Variants in PIGO observed in about 807,000 individuals in gnomAD.
The protein encoded by PIGO is phosphatidylinositol glycan anchor biosynthesis class O, also known as GPI ethanolamine phosphate transferase 3, catalytic subunit.
A neutral mutation model predicts 86.9 loss-of-function variants in PIGO; 66 were observed. The observed-to-expected ratio is 0.76, with a 90% confidence interval of 0.62 to 0.93. The LOEUF is 0.93. Ranked by LOEUF, PIGO falls within the 40% of genes least tolerant of loss-of-function variation. PIGO has a pLI of 0.00. For synonymous variants in PIGO, 570 were observed against 556.4 expected, an observed-to-expected ratio of 1.02 and a Z score of -0.34; for missense variants, 1,202 against 1,359.1, an observed-to-expected ratio of 0.88 and a Z score of 1.82.
chr9:35,093,231 C>A, intron 5 of PIGO, 22 bp from the exon 6 acceptor site: 1 of 1,598,520 alleles, frequency 6.3e-7, no homozygotes, highest in South Asian at 1.1e-5. Context: ...TGACAGTGGT[C>A]AACAGATTCA....
At position 35,089,132 on chromosome 9, in the gene PIGO, C is replaced by G. The variant is rs150257961; in HGVS notation, c.3230G>C (p.Ser1077Thr). Residue 1077 changes from serine (S) to threonine (T), a missense_variant, in exon 11 of 11, where the codon AGC becomes ACC. Physicochemically the swap from Ser to Thr is moderately conservative, Grantham distance 58. Transcript: ENST00000378617. ...CAGAAATAGCTGCCTGAACCAGGAG[C>G]TCACAGCACCATCCACTCTCATCAC... ...ALVMRVDGAV[S>T]SWFRQLFLAQ... The G allele has an allele frequency of 7.4e-6, 12 of 1,614,034 alleles. No individual in the cohort carries two copies. In the African/African-American group the frequency reaches 1.6e-4, roughly 22 times the overall value.
chr9:35,090,659 C>T lies in PIGO; in HGVS notation c.2661G>A (p.Val887=). The T allele has an allele frequency of 6.2e-7, 1 of 1,614,006 alleles. No individual in the cohort carries two copies. The highest frequency in any genetic ancestry group is 1.3e-5 in the African/African-American group (1 of 75,058). ...IPVTTPGPFT[V]PWQAVSAWAL... ...CCCAAGCCGAGACTGCCTGCCATGGCACAGTAAAAGGACCTGGAAGAAAAG... is the reference window on the plus strand; with the variant it reads ...CCCAAGCCGAGACTGCCTGCCATGGTACAGTAAAAGGACCTGGAAGAAAAG... Residue 887 remains valine (V), a synonymous_variant, in exon 8 of 11, where the codon GTG becomes GTA. Coordinates refer to ENST00000378617, the MANE Select transcript of PIGO (RefSeq NM_032634.4).
At chr9:35,091,084 G>A (rs1829394339) in intron 7 of PIGO, 156 bp downstream of exon 7, 2 of 835,188 alleles carry the variant, frequency 2.4e-6, no homozygotes, top group South Asian at 3.7e-5. Flanking sequence ...GCTATGGCAG[G>A]TAAGAGAGAG....
At position 35,088,872 on chromosome 9, in the gene PIGO, C is replaced by G. The variant is rs773911038; in HGVS notation, c.*220G>C. The G allele has an allele frequency of 1.7e-4, 101 of 584,302 alleles. No individual in the cohort carries two copies. Among genetic ancestry groups the G allele is most frequent in the Non-Finnish European group, 2.5e-4 (86 of 349,312 alleles). The allele number at this position is 584,302 out of a possible 1,614,324, so 36.2% of individuals were successfully genotyped here. The stretch of plus-strand genomic sequence containing the variant: ...TTTTATTCCACTTCGGAGACCGCCC[C>G]CCTTGTCCCTCAGATGCATCCAAAT... On this transcript the variant is annotated 3_prime_UTR_variant, in exon 11 of 11. Transcript: ENST00000378617.
In PIGO at chr9:35,091,528, G is replaced by A; in HGVS notation, c.2359C>T (p.Pro787Ser). The A allele has an allele frequency of 1.9e-6, 3 of 1,614,178 alleles. No individual in the cohort carries two copies. The highest frequency in any genetic ancestry group is 2.5e-6 in the Non-Finnish European group (3 of 1,180,038). The change falls in exon 7 of 11, where the codon CCC becomes TCC. Residue 787 changes from proline to serine, a missense_variant. By Grantham distance (74) the Pro-to-Ser change is moderately conservative (BLOSUM62 -1). Coordinates refer to ENST00000378617, the MANE Select transcript of PIGO (RefSeq NM_032634.4). The part of the protein sequence containing the change: ...RTVLTPFSGP[P>S]TSQADLDYVV... ...TAATCCAAGTCAGCTTGAGAAGTGG[G>A]GGGGCCTGAGAAGGGAGTGAGGACA...
In PIGO at chr9:35,090,664, TAAAAGGA is replaced by T. The variant is rs779465055; in HGVS notation, c.2649_2655del (p.Pro884LeufsTer53). 1 of 1,613,862 alleles carries T rather than the reference TAAAAGGA, an allele frequency of 6.2e-7. No individual in the cohort carries two copies. On this transcript the variant is annotated frameshift_variant and splice_region_variant, in exon 8 of 11. Coordinates refer to ENST00000378617, the MANE Select transcript of PIGO (RefSeq NM_032634.4). LOFTEE classifies it high-confidence loss of function. The stretch of plus-strand genomic sequence containing the variant: ...GCCGAGACTGCCTGCCATGGCACAG[TAAAAGGA>T]CCTGGAAGAAAAGATATGCCACGTT...
In PIGO at chr9:35,093,197, T is replaced by A. The variant is rs1376679469; in HGVS notation, c.952A>T (p.Ile318Phe). ...PSTPPEEPEV[I>F]PQVSLVPTLA... ...GTGGGCACAAGGCTAACTTGAGGAATCACCTCTGGCTCCTAAAGGAAAATG... is the reference window on the plus strand; with the variant it reads ...GTGGGCACAAGGCTAACTTGAGGAAACACCTCTGGCTCCTAAAGGAAAATG... The change falls in exon 6 of 11, where the codon ATT (isoleucine) becomes TTT (phenylalanine). Residue 318 changes from isoleucine to phenylalanine, a missense_variant. By Grantham distance (21) the Ile-to-Phe change is conservative. Transcript: ENST00000378617. 3 of 1,612,114 alleles carry A rather than the reference T, an allele frequency of 1.9e-6. No individual in the cohort carries two copies. The African/African-American group carries it at 4.0e-5, about 22-fold the overall frequency.
At position 35,093,987 on chromosome 9, in the gene PIGO, G is replaced by T; in HGVS notation, c.693C>A (p.Phe231Leu). 1 of 1,614,176 alleles carries T rather than the reference G, an allele frequency of 6.2e-7. No homozygotes were observed. The highest frequency in any genetic ancestry group is 8.5e-7 in the Non-Finnish European group (1 of 1,180,034). ...TGTGGCCACAGTGGTCCACACCCAG[G>T]AAGTGAGCAATCAGCACGTCCCATT... ...SGEWDVLIAH[F>L]LGVDHCGHKH... Residue 231 changes from phenylalanine (F) to leucine (L), a missense_variant, in exon 4 of 11, where the codon TTC (phenylalanine) becomes TTA (leucine). Coordinates refer to ENST00000378617, the MANE Select transcript of PIGO (RefSeq NM_032634.4).
Position 35,092,651 on chromosome 9 carries a change from C to G in PIGO, c.1236G>C (p.Gln412His), listed in dbSNP as rs760540577. ...KASADYQWLLQSPKGAEATLP... is the reference protein window; with the variant it reads ...KASADYQWLLHSPKGAEATLP... ...GTGTCGCCTCAGCCCCCTTGGGGCT[C>G]TGGAGAAGCCACTGGTAGTCAGCAG... is the stretch of plus-strand genomic sequence containing the variant. The change falls in exon 7 of 11, where the codon CAG becomes CAC. Residue 412 changes from glutamine to histidine, a missense_variant. Gln to His is a conservative substitution (Grantham distance 24). Coordinates refer to ENST00000378617, the MANE Select transcript of PIGO (RefSeq NM_032634.4). 1.2e-6 allele frequency: 2 copies of G among 1,614,122 alleles called. No individual in the cohort carries two copies. The highest frequency in any genetic ancestry group is 1.7e-6 in the Non-Finnish European group (2 of 1,180,058).
chr9:35,090,263 G>T lies in PIGO; in HGVS notation c.2872C>A (p.Leu958Met), dbSNP rs991755076. The change falls in exon 9 of 11, where the codon CTG (leucine) becomes ATG (methionine). Residue 958 changes from leucine (L) to methionine (M), a missense_variant. Transcript: ENST00000378617. ...CTCTCACACAGGAAAGGCCAGAGCA[G>T]GAGCAGTGGGCAACCTACTGCCTCA... The part of the protein sequence containing the change: ...LLFAVGCPLL[L>M]LWPFLCESQG... 6.2e-7 allele frequency: 1 copy of T among 1,613,876 alleles called. No individual in the cohort carries two copies.
chr9:35,090,290 G>A lies in PIGO; in HGVS notation c.2855-10C>T. The A allele has an allele frequency of 1.2e-6, 2 of 1,612,014 alleles. No individual in the cohort carries two copies. Among genetic ancestry groups the A allele is most frequent in the Non-Finnish European group, 1.7e-6 (2 of 1,178,550 alleles). On this transcript the variant is annotated splice_polypyrimidine_tract_variant and intron_variant, in intron 8 of 10. Coordinates refer to ENST00000378617, the MANE Select transcript of PIGO (RefSeq NM_032634.4). ...AGCAGTGGGCAACCTACTGCCTCAA[G>A]AGAGGGTATGGCTGGAATCAACAGG... is the stretch of plus-strand genomic sequence containing the variant.
At chr9:35,095,779 C>A in intron 1 of PIGO, 1 of 591,116 alleles carries the variant, frequency 1.7e-6, no homozygotes, top group Non-Finnish European at 2.7e-6. Context: ...TTTGGGAGGC[C>A]GAGGCGGGCG....
At chr9:35,089,257 T>C (rs1234813264) in intron 10 of PIGO, 36 bp from the exon 11 acceptor site, 6 of 1,613,894 alleles carry the variant, frequency 3.7e-6, no homozygotes, top group Non-Finnish European at 5.1e-6. Flanking sequence ...GGCAACAGAG[T>C]AGGTCTACTG....
chr9:35,095,673 C>T lies in PIGO; in HGVS notation c.-1-107G>A, dbSNP rs956696186. 8.3e-6 allele frequency: 11 copies of T among 1,332,804 alleles called. No homozygotes were observed. In the African/African-American group the frequency reaches 1.6e-4, roughly 20 times the overall value. The allele number at this position is 1,332,804 out of a possible 1,614,324, so 82.6% of individuals were successfully genotyped here. On this transcript the variant is annotated intron_variant, in intron 1 of 10. Coordinates refer to ENST00000378617, the MANE Select transcript of PIGO (RefSeq NM_032634.4). ...AGAATCACTTCCTCCCGGAAACCTT[C>T]CTGGAGATAAACCATTTCACAGCCA... is the stretch of plus-strand genomic sequence containing the variant.
Position 35,090,279 on chromosome 9 carries a change from T to C in PIGO, c.2856A>G (p.Val952=), listed in dbSNP as rs1829356668. ...GCCAGAGCAGGAGCAGTGGGCAACC[T>C]ACTGCCTCAAGAGAGGGTATGGCTG... The part of the protein sequence containing the change: ...NTFASHLLFA[V]GCPLLLLWPF... The change falls in exon 9 of 11, where the codon GTA becomes GTG. Residue 952 remains valine (V), a splice_region_variant and synonymous_variant. Coordinates refer to ENST00000378617, the MANE Select transcript of PIGO (RefSeq NM_032634.4). 2 of 1,613,080 alleles carry C rather than the reference T, an allele frequency of 1.2e-6. No individual in the cohort carries two copies. The highest frequency in any genetic ancestry group is 8.5e-7 in the Non-Finnish European group (1 of 1,179,302).
intron 5 of PIGO, 54 bp downstream of exon 5, chr9:35,093,367 T>C (rs1829523458): frequency 6.2e-7 from 1 of 1,610,558 alleles, no homozygotes; most frequent in Non-Finnish European, 8.5e-7. Flanking sequence ...GATGCTGTAA[T>C]GGTAACATGG....
rs371317684 is a variant in PIGO, at chr9:35,091,653, C to T, written c.2234G>A (p.Arg745Gln). 15 of 1,613,090 alleles carry T rather than the reference C, an allele frequency of 9.3e-6. No homozygotes were observed. The highest frequency in any genetic ancestry group is 3.3e-4 in the Middle Eastern group (2 of 6,084). ...LVSGASMVLP[R>Q]AVAGLAASGL... ...TGAAGCAGCCAGCCCTGCTACAGCC[C>T]GAGGCAGCACCATGGATGCCCCAGA... Residue 745 changes from arginine to glutamine, a missense_variant, in exon 7 of 11, where the codon CGG becomes CAG. Arg to Gln is a conservative substitution (Grantham distance 43). Transcript: ENST00000378617.
chr9:35,093,603 G>A, intron 4 of PIGO, 23 bp from the exon 5 acceptor site: 1 of 1,578,566 alleles, frequency 6.3e-7, no homozygotes, highest in Non-Finnish European at 8.6e-7. Flanking sequence ...AAATGTGTCA[G>A]GAGTAGAAAC....
chr9:35,093,216 G>A lies in PIGO; in HGVS notation c.940-7C>T. On this transcript the variant is annotated splice_region_variant and splice_polypyrimidine_tract_variant and intron_variant, in intron 5 of 10. Coordinates refer to ENST00000378617, the MANE Select transcript of PIGO (RefSeq NM_032634.4). ...GAGGAATCACCTCTGGCTCCTAAAG[G>A]AAAATGACAGTGGTCAACAGATTCA... 1 of 1,604,782 alleles carries A rather than the reference G, an allele frequency of 6.2e-7. No homozygotes were observed. Among genetic ancestry groups the A allele is most frequent in the Non-Finnish European group, 8.5e-7 (1 of 1,172,520 alleles).
Sources: allele counts gnomAD v4.1 joint callset, GRCh38; gene constraint gnomAD v4.1.1; transcripts MANE v1.5; gene names NCBI Gene and HGNC (gene_info 2026-07-23, HGNC 2026-07-21).